The following PPP3R1 variants were observed in gnomAD, a reference collection of about 807,000 sequenced individuals.
PPP3R1 encodes the protein protein phosphatase 3 regulatory subunit B, alpha.
PPP3R1 carries 5 observed loss-of-function variants against 22.6 expected under a neutral mutation model. The observed-to-expected ratio is 0.22, with a 90% CI of 0.12 to 0.46. The LOEUF (loss-of-function observed/expected upper bound fraction) is 0.46. Among genes scored for constraint, PPP3R1 ranks in the 20% least tolerant of loss-of-function variants. The probability of loss-of-function intolerance (pLI) is 0.99; values close to 1 mark genes in which losing one functional copy is unlikely to be tolerated. For missense variants in PPP3R1, 61 were observed against 203.2 expected (o/e 0.30, Z 4.25); for synonymous variants, 56 against 65.2 (o/e 0.86, Z 0.68).
chr2:68,233,223 T>C (rs1376596730), intron 1 of PPP3R1, among the ~76,000 whole-genome samples: 5 of 152,240 alleles, frequency 3.3e-5, no homozygotes, highest in Non-Finnish European at 2.9e-5. Flanking sequence ...TAACTCACTA[T>C]ACTTTAAGCT....
Position 68,209,931 on chromosome 2 carries a change from A to C in PPP3R1, c.43+7161T>G, listed in dbSNP as rs570211799. On this transcript the variant is annotated intron_variant, in intron 2 of 5. Coordinates refer to ENST00000234310, the MANE Select transcript of PPP3R1 (RefSeq NM_000945.4). The stretch of plus-strand genomic sequence containing the variant: ...ACTCTACCCAAACTCATAAACAAGC[A>C]AAGGTGGTAATAGGAATGAAAGAAA... Among the ~76,000 whole-genome samples the C allele has an allele frequency of 2.6e-5, 4 of 152,316 alleles. No individual in the cohort carries two copies. The South Asian group carries it at 8.3e-4, about 32-fold the overall frequency.
At chr2:68,217,749 TTAACA>T (rs552695020) in intron 1 of PPP3R1, among the ~76,000 whole-genome samples, 47 of 152,202 alleles carry the variant, frequency 3.1e-4, no homozygotes, top group African/African-American at 1.0e-3. Context: ...AGACCCTAAC[TTAACA>T]TAATTTATCT....
chr2:68,203,335 C>T (rs772094657), intron 2 of PPP3R1, among the ~76,000 whole-genome samples: 7 of 152,354 alleles, frequency 4.6e-5, no homozygotes, highest in Admixed American at 1.3e-4. Flanking sequence ...GGCACAGTGG[C>T]TCACACCTGT....
rs763716346 is a variant in PPP3R1 at position 68,252,110 on chromosome 2, A to G, written c.3+15T>C. On this transcript the variant is annotated intron_variant, in intron 1 of 5. Coordinates refer to ENST00000234310, the MANE Select transcript of PPP3R1 (RefSeq NM_000945.4). The stretch of plus-strand genomic sequence containing the variant: ...TAGGGGGAGGGATGGTGCATCGAGG[A>G]AGCCAAGGTCTCACCATTTTGCTCG... The G allele has an allele frequency of 2.6e-4, 373 of 1,432,592 alleles. No homozygotes were observed. The highest frequency in any genetic ancestry group is 2.6e-4 in the Non-Finnish European group (283 of 1,072,214). 88.7% of individuals were successfully genotyped at this position (1,432,592 alleles called of 1,614,324 possible). A position where few individuals can be genotyped will look rare whatever the true frequency, so the allele number is the denominator to read the frequency against.
At chr2:68,197,083 TTATTAAG>T (rs1286330968) in intron 2 of PPP3R1, among the ~76,000 whole-genome samples, 1 of 152,178 alleles carries the variant, frequency 6.6e-6, no homozygotes, top group African/African-American at 2.4e-5. Context: ...AAATGATGCA[TTATTAAG>T]TATATGGTTA....
chr2:68,246,839 GCA>G (rs1670245466), intron 1 of PPP3R1, among the ~76,000 whole-genome samples: 1 of 152,144 alleles, frequency 6.6e-6, no homozygotes, highest in African/African-American at 2.4e-5. Context: ...TAATATAAAT[GCA>G]CAGACAATGC....
chr2:68,216,189 TA>T (rs1669576057), intron 2 of PPP3R1, among the ~76,000 whole-genome samples: 1 of 151,940 alleles, frequency 6.6e-6, no homozygotes, highest in Non-Finnish European at 1.5e-5. Context: ...AGCTAAGTCT[TA>T]AAAACAAAAA....
intron 1 of PPP3R1, among the ~76,000 whole-genome samples, chr2:68,219,593 T>A (rs1035187841): frequency 4.6e-5 from 7 of 152,202 alleles, no homozygotes; most frequent in Non-Finnish European, 8.8e-5. Context: ...TGTAAATTAT[T>A]ATATCAGACT....
At chr2:68,185,100 T>G (rs1674506772) in intron 5 of PPP3R1, among the ~76,000 whole-genome samples, 1 of 151,522 alleles carries the variant, frequency 6.6e-6, no homozygotes, top group South Asian at 2.1e-4. Context: ...GTGCCTGTAA[T>G]CCCAGCTACT....
chr2:68,223,133 C>T (rs578022543), intron 1 of PPP3R1, among the ~76,000 whole-genome samples: 49 of 152,244 alleles, frequency 3.2e-4, no homozygotes, highest in African/African-American at 1.0e-3. Flanking sequence ...CGGTGGCTCA[C>T]GCCTATAATC....
rs148968986 is a variant in PPP3R1, at chr2:68,238,832, A to T, written c.3+13293T>A. On this transcript the variant is annotated intron_variant, in intron 1 of 5. Transcript: ENST00000234310. The stretch of plus-strand genomic sequence containing the variant: ...AGACACGTTTGCTATATAACATGAT[A>T]TTTATGTCCCTGAAAAAAACCTCGT... Among the ~76,000 whole-genome samples, 41 of 152,292 alleles carry T rather than the reference A, an allele frequency of 2.7e-4. No individual in the cohort carries two copies. The East Asian group carries it at 7.7e-3, about 29-fold the overall frequency.
chr2:68,232,631 G>C (rs111267203), intron 1 of PPP3R1, among the ~76,000 whole-genome samples: 5,130 of 151,944 alleles, frequency 0.034, 257 homozygotes, highest in African/African-American at 0.11. Context: ...TTTTGAGACA[G>C]AGTCTTGCTC....
At chr2:68,251,200 G>A (rs1280878267) in intron 1 of PPP3R1, 1 of 152,256 alleles carries the variant, frequency 6.6e-6, no homozygotes, top group African/African-American at 2.4e-5. Flanking sequence ...AAAGGGCGTC[G>A]TTGATTTCTT....
At chr2:68,239,324 A>G (rs557930991) in intron 1 of PPP3R1, among the ~76,000 whole-genome samples, 2 of 152,356 alleles carry the variant, frequency 1.3e-5, no homozygotes, top group South Asian at 4.1e-4. Context: ...CTGACAGAAT[A>G]TAAGTCAATT....
chr2:68,245,488 C>A (rs187799983), intron 1 of PPP3R1, among the ~76,000 whole-genome samples: 13 of 152,330 alleles, frequency 8.5e-5, no homozygotes, highest in Admixed American at 3.9e-4. Flanking sequence ...TCTTCTAACA[C>A]TACTTTTCAC....
At chr2:68,187,374 T>A (rs1213887845) in intron 3 of PPP3R1, 60 bp from the exon 4 acceptor site, 1 of 1,358,528 alleles carries the variant, frequency 7.4e-7, no homozygotes, top group Non-Finnish European at 1.0e-6. Context: ...ACAAAAAACA[T>A]ATTTACCTTA....
Position 68,228,333 on chromosome 2 carries a change from GTCCATAGTTA to G in PPP3R1, c.4-11212_4-11203del, listed in dbSNP as rs1669826166. Among the ~76,000 whole-genome samples, 9 of 152,204 alleles carry G rather than the reference GTCCATAGTTA, an allele frequency of 5.9e-5. No individual in the cohort carries two copies. In the South Asian group the frequency reaches 1.9e-3, roughly 32 times the overall value. On this transcript the variant is annotated intron_variant, in intron 1 of 5. Coordinates refer to ENST00000234310, the MANE Select transcript of PPP3R1 (RefSeq NM_000945.4). ...CATCTACACTGACATGAGGATGTTG[GTCCATAGTTA>G]TCTTTTTTGGATTTTGGTATCAAGG... is the stretch of plus-strand genomic sequence containing the variant.
intron 1 of PPP3R1, among the ~76,000 whole-genome samples, chr2:68,226,440 T>C (rs2103784894): frequency 6.6e-6 from 1 of 152,310 alleles, no homozygotes; most frequent in African/African-American, 2.4e-5. Flanking sequence ...ATCTCATCAC[T>C]TTCTTTAAAA....
chr2:68,181,192 A>G (rs981741079), intron 5 of PPP3R1, among the ~76,000 whole-genome samples, 182 bp from the exon 6 acceptor site: 5 of 152,166 alleles, frequency 3.3e-5, no homozygotes, highest in Non-Finnish European at 7.4e-5. Flanking sequence ...GATCGAGACC[A>G]TCCTGGCTAA....
Sources: gnomAD v4.1 joint callset for allele counts (sites outside exome capture counted in the v4.1 genomes callset) on GRCh38, gnomAD v4.1.1 for gene constraint, MANE v1.5 for transcripts, NCBI Gene and HGNC (gene_info 2026-07-23, HGNC 2026-07-21) for gene names.